Variants in RPRD1B observed in about 807,000 individuals in gnomAD.
RPRD1B encodes regulation of nuclear pre-mRNA domain-containing protein 1B.
In RPRD1B, 11 loss-of-function variants were observed where a neutral mutation model predicts 41.5. The observed-to-expected ratio is 0.27, with a 90% CI of 0.17 to 0.44. The LOEUF (loss-of-function observed/expected upper bound fraction) is 0.44, where lower values mean the gene tolerates loss of function less well. Among genes scored for constraint, RPRD1B ranks in the 20% least tolerant of loss-of-function variants. The pLI is 1.00. For synonymous variants in RPRD1B, 158 were observed against 155.6 expected, an observed-to-expected ratio of 1.02 and a Z score of -0.12; for missense variants, 248 against 389.9, an observed-to-expected ratio of 0.64 and a Z score of 3.06.
intron 1 of RPRD1B, 30 bp from the exon 2 acceptor site, chr20:38,040,405 A>G (rs768855664): frequency 6.4e-7 from 1 of 1,551,240 alleles, no homozygotes. Context: ...CTTTGGTGTA[A>G]GTTAAATTCT....
At chr20:38,055,005 G>A (rs1456867097) in intron 3 of RPRD1B, among the ~76,000 whole-genome samples, 1 of 152,162 alleles carries the variant, frequency 6.6e-6, no homozygotes, top group African/African-American at 2.4e-5. Flanking sequence ...TAAAAATATA[G>A]CAATCTTTGC....
rs1383560672 is a variant in RPRD1B at position 38,048,385 on chromosome 20, T to C, written c.319T>C (p.Leu107=). Residue 107 remains leucine, a synonymous_variant, in exon 3 of 7, where the codon TTG becomes CTG. Transcript: ENST00000373433. The part of the protein sequence containing the change: ...DEGCKKPLER[L]LNIWQERSVY... Reference sequence around the variant, plus strand: ...AGGCTGTAAAAAACCTTTAGAAAGATTGCTGAACATCTGGCAAGAACGAAG... The same window carrying C: ...AGGCTGTAAAAAACCTTTAGAAAGACTGCTGAACATCTGGCAAGAACGAAG... 15 of 1,613,842 alleles carry C rather than the reference T, an allele frequency of 9.3e-6. No individual in the cohort carries two copies. The Admixed American group carries it at 1.0e-4, about 11-fold the overall frequency.
At chr20:38,062,953 G>T (rs1232421244) in intron 5 of RPRD1B, among the ~76,000 whole-genome samples, 1 of 149,738 alleles carries the variant, frequency 6.7e-6, no homozygotes, top group Non-Finnish European at 1.5e-5. Flanking sequence ...TCCCATCCTG[G>T]CCTCCCAAAA....
chr20:38,051,808 A>G (rs550805389), intron 3 of RPRD1B, among the ~76,000 whole-genome samples: 1 of 152,132 alleles, frequency 6.6e-6, no homozygotes, highest in Non-Finnish European at 1.5e-5. Flanking sequence ...CTGGAGTGCA[A>G]TGGCGGGACC....
chr20:38,042,371 A>G (rs115014115), intron 2 of RPRD1B, among the ~76,000 whole-genome samples: 3,079 of 152,234 alleles, frequency 0.02, 84 homozygotes, highest in African/African-American at 0.066. Context: ...CAAACAGACA[A>G]ACGATCTGTA....
intron 6 of RPRD1B, among the ~76,000 whole-genome samples, chr20:38,089,165 A>G (rs895455529): frequency 1.3e-5 from 2 of 152,194 alleles, no homozygotes; most frequent in African/African-American, 2.4e-5. Flanking sequence ...CCTAGGGGTC[A>G]GGAGGCCTAA....
chr20:38,057,605 C>A lies in RPRD1B; in HGVS notation c.489C>A (p.Gly163=), dbSNP rs780916803. 6.2e-7 allele frequency: 1 copy of A among 1,614,092 alleles called. No individual in the cohort carries two copies. Among genetic ancestry groups the A allele is most frequent in the Middle Eastern group, 1.7e-4 (1 of 6,058 alleles). The change falls in exon 4 of 7, where the codon GGC becomes GGA. Residue 163 remains glycine, a synonymous_variant. Coordinates refer to ENST00000373433, the MANE Select transcript of RPRD1B (RefSeq NM_021215.4). The part of the protein sequence containing the change: ...IQEEEDDDYP[G]SYSPQDPSAG... ...AGGAGGAGGATGACGACTACCCTGG[C>A]AGCTACTCTCCTCAGGATCCTTCTG... is the stretch of plus-strand genomic sequence containing the variant.
intron 3 of RPRD1B, among the ~76,000 whole-genome samples, chr20:38,049,338 A>G (rs1266637816): frequency 3.1e-5 from 4 of 127,300 alleles, no homozygotes; most frequent in Non-Finnish European, 6.9e-5. Context: ...AAGAGCTTAT[A>G]TTATTTTTTC....
At chr20:38,083,950 T>C (rs2074537754) in intron 6 of RPRD1B, 1 of 152,194 alleles carries the variant, frequency 6.6e-6, no homozygotes, top group Admixed American at 6.5e-5. Context: ...ATGGTTTTTT[T>C]TTCCCACATG....
intron 6 of RPRD1B, among the ~76,000 whole-genome samples, chr20:38,068,291 G>T (rs763457385): frequency 5.9e-5 from 9 of 152,180 alleles, no homozygotes; most frequent in South Asian, 2.1e-4. Flanking sequence ...CTGAACTGAA[G>T]GTTCTTATCT....
rs150458486 is a variant in RPRD1B at position 38,055,861 on chromosome 20, C to A, written c.416-1671C>A. ...GACTTCAAGAATGATGTGATTGGTC[C>A]CTGATCATGATTTGGGGGCTGAAGT... On this transcript the variant is annotated intron_variant, in intron 3 of 6. Transcript: ENST00000373433. Among the ~76,000 whole-genome samples, 1,081 of 152,058 alleles carry A rather than the reference C, an allele frequency of 7.1e-3. 5 individuals carry two copies. The highest frequency in any genetic ancestry group is 0.021 in the African/African-American group (864 of 41,476).
chr20:38,038,324 T>G (rs74431297), intron 1 of RPRD1B, among the ~76,000 whole-genome samples: 29 of 139,848 alleles, frequency 2.1e-4, no homozygotes, highest in Non-Finnish European at 4.0e-4. Context: ...TTTTTTTTTT[T>G]GAGACGGAGT....
At chr20:38,078,194 C>T (rs1469703318) in intron 6 of RPRD1B, among the ~76,000 whole-genome samples, 8 of 151,964 alleles carry the variant, frequency 5.3e-5, no homozygotes, top group African/African-American at 1.7e-4. Context: ...ACTATGGGCC[C>T]AGCTGCTGGC....
chr20:38,034,542 C>G (rs932313623), intron 1 of RPRD1B, among the ~76,000 whole-genome samples: 3 of 152,206 alleles, frequency 2.0e-5, no homozygotes, highest in African/African-American at 7.2e-5. Context: ...CTTCATCTCC[C>G]TGTGTCTCCG....
At chr20:38,074,420 T>A (rs1232761518) in intron 6 of RPRD1B, among the ~76,000 whole-genome samples, 6 of 152,222 alleles carry the variant, frequency 3.9e-5, no homozygotes, top group Admixed American at 3.9e-4. Flanking sequence ...ATAATGTACT[T>A]CACATACTTA....
intron 3 of RPRD1B, among the ~76,000 whole-genome samples, chr20:38,053,272 C>T (rs2074207047): frequency 6.6e-6 from 1 of 152,020 alleles, no homozygotes; most frequent in African/African-American, 2.4e-5. Context: ...GAAAAGGAAA[C>T]CTGGAAATCC....
chr20:38,053,879 C>T (rs534433809), intron 3 of RPRD1B, among the ~76,000 whole-genome samples: 7 of 152,214 alleles, frequency 4.6e-5, no homozygotes, highest in African/African-American at 1.2e-4. Flanking sequence ...AGGATGTGTG[C>T]GTAAGTTATA....
chr20:38,082,527 C>T (rs939097010), intron 6 of RPRD1B, among the ~76,000 whole-genome samples: 1 of 152,124 alleles, frequency 6.6e-6, no homozygotes, highest in African/African-American at 2.4e-5. Flanking sequence ...GCTGGGACTA[C>T]AAGGCACCTG....
In RPRD1B at chr20:38,040,600, C is replaced by A. The variant is rs180958501; in HGVS notation, c.281+36C>A. On this transcript the variant is annotated intron_variant, in intron 2 of 6. Transcript: ENST00000373433. ...TGTTTTTTGGATTTGTTTTTAAATT[C>A]ATTGCCTTTCCCACCTTTTTGTTCT... is the stretch of plus-strand genomic sequence containing the variant. 99 of 1,579,076 alleles carry A rather than the reference C, an allele frequency of 6.3e-5. No homozygotes were observed. In the African/African-American group the frequency reaches 1.1e-3, roughly 18 times the overall value.
Sources: allele counts gnomAD v4.1 joint callset (sites outside exome capture counted in the v4.1 genomes callset), GRCh38; gene constraint gnomAD v4.1.1; transcripts MANE v1.5; gene names NCBI Gene and HGNC (gene_info 2026-07-23, HGNC 2026-07-21).